Variants in SEMA6D observed in about 807,000 individuals in gnomAD.
SEMA6D encodes the protein semaphorin-6D.
A neutral mutation model predicts 106.6 loss-of-function variants in SEMA6D; 35 were observed. That is an observed-to-expected ratio of 0.33 (90% confidence interval 0.25 to 0.44). The LOEUF is 0.44. SEMA6D is among the 20% of genes least tolerant of loss of function. The pLI, the probability that SEMA6D is intolerant of heterozygous loss-of-function variation, is 1.00. For synonymous variants in SEMA6D, 499 were observed against 487.7 expected, an observed-to-expected ratio of 1.02 and a Z score of -0.31; for missense variants, 1,185 against 1,345.9, an observed-to-expected ratio of 0.88 and a Z score of 1.87.
intron 1 of SEMA6D, among the ~76,000 whole-genome samples, chr15:47,748,338 T>C (rs2081255737): frequency 6.6e-6 from 1 of 152,258 alleles, no homozygotes; most frequent in Admixed American, 6.5e-5. Flanking sequence ...CTTTCTTTAT[T>C]TCTTCCTCCA....
At chr15:47,261,480 G>A (rs2034072527) in intron 1 of SEMA6D, among the ~76,000 whole-genome samples, 1 of 151,992 alleles carries the variant, frequency 6.6e-6, no homozygotes, top group South Asian at 2.1e-4. Flanking sequence ...AATGCATTTG[G>A]TCTCAGCTCT....
chr15:47,227,433 C>CTTTCTTTCTTTCTTTCTTTCT (rs1555407194), intron 1 of SEMA6D, among the ~76,000 whole-genome samples: 1 of 144,712 alleles, frequency 6.9e-6, no homozygotes. Flanking sequence ...TTCTTTCTTT[C>CTTTCTTTCTTTCTTTCTTTCT]TTTCTTTTCT....
At chr15:47,526,670 G>T (rs531510219) in intron 3 of SEMA6D, among the ~76,000 whole-genome samples, 27 of 152,234 alleles carry the variant, frequency 1.8e-4, no homozygotes, top group African/African-American at 5.5e-4. Context: ...ATGTTTGCTT[G>T]CTTTGGTTTT....
rs149552424 is a variant in SEMA6D at position 47,295,099 on chromosome 15, C to T, written c.-239+110681C>T. Among the ~76,000 whole-genome samples, 691 of 152,240 alleles carry T rather than the reference C, an allele frequency of 4.5e-3. 17 individuals carry two copies. The highest frequency in any genetic ancestry group is 1.5e-3 in the Non-Finnish European group (99 of 68,022). ...GAGGGGGCATCAGGTTTGAAGTCCC[C>T]GTTGCTCACTTTTCACTAGCTGAAA... On this transcript the variant is annotated intron_variant, in intron 1 of 19. Transcript: ENST00000558014.
intron 1 of SEMA6D, among the ~76,000 whole-genome samples, chr15:47,741,709 C>T (rs937034328): frequency 2.0e-5 from 3 of 151,454 alleles, no homozygotes; most frequent in African/African-American, 7.3e-5. Context: ...AGCAAAACTC[C>T]ATCTAAAAAA....
In SEMA6D at chr15:47,761,237, A is replaced by G. The variant is rs1597048464; in HGVS notation, c.345+17A>G. The G allele has an allele frequency of 1.2e-6, 2 of 1,613,452 alleles. No homozygotes were observed. Among genetic ancestry groups the G allele is most frequent in the Middle Eastern group, 3.3e-4 (2 of 6,054 alleles). ...AAGCATAAAGTGAGTGAAACAGAAA[A>G]ATGTCTGCTAGATTTAGTCTTTCTG... On this transcript the variant is annotated intron_variant, in intron 5 of 18. Coordinates refer to ENST00000536845, the MANE Select transcript of SEMA6D (RefSeq NM_001358351.3).
chr15:47,501,072 A>G (rs1171713612), intron 3 of SEMA6D, among the ~76,000 whole-genome samples: 2 of 152,166 alleles, frequency 1.3e-5, no homozygotes, highest in Non-Finnish European at 2.9e-5. Flanking sequence ...AAAGAAGTGA[A>G]GGTAATTCTG....
chr15:47,583,705 G>A (rs1453129964), intron 3 of SEMA6D, among the ~76,000 whole-genome samples: 4 of 152,186 alleles, frequency 2.6e-5, no homozygotes, highest in African/African-American at 9.7e-5. Context: ...AGCAGACATG[G>A]ATAGGAATGG....
At chr15:47,605,792 C>T (rs898893122) in intron 4 of SEMA6D, among the ~76,000 whole-genome samples, 1 of 152,212 alleles carries the variant, frequency 6.6e-6, no homozygotes, top group Admixed American at 6.5e-5. Context: ...CTTCCATGCA[C>T]TCTCCATGTG....
intron 16 of SEMA6D, 124 bp from the exon 17 acceptor site, chr15:47,766,913 A>C: frequency 1.6e-6 from 1 of 624,152 alleles, no homozygotes. Flanking sequence ...TAGTCTAACC[A>C]GTAGGTTAAT....
chr15:47,583,604 G>C (rs977376699), intron 3 of SEMA6D, among the ~76,000 whole-genome samples: 2 of 152,162 alleles, frequency 1.3e-5, no homozygotes, highest in Admixed American at 6.5e-5. Context: ...GTCACTCCTA[G>C]GCATGGCTTG....
At chr15:47,560,855 A>G (rs1331775626) in intron 3 of SEMA6D, among the ~76,000 whole-genome samples, 1 of 152,098 alleles carries the variant, frequency 6.6e-6, no homozygotes, top group Non-Finnish European at 1.5e-5. Context: ...GATGATGCAG[A>G]GAAGGCAAAG....
At chr15:47,542,386 G>T (rs1328614524) in intron 3 of SEMA6D, among the ~76,000 whole-genome samples, 1 of 152,126 alleles carries the variant, frequency 6.6e-6, no homozygotes, top group Non-Finnish European at 1.5e-5. Flanking sequence ...TGCTATAGGT[G>T]CTACTCCTTT....
At chr15:47,497,777 C>CAG (rs2043717719) in intron 3 of SEMA6D, among the ~76,000 whole-genome samples, 1 of 152,048 alleles carries the variant, frequency 6.6e-6, no homozygotes, top group Non-Finnish European at 1.5e-5. Flanking sequence ...AACTGTAGTA[C>CAG]CATACTATCA....
At chr15:47,501,710 G>A (rs182306744) in intron 3 of SEMA6D, among the ~76,000 whole-genome samples, 41 of 152,274 alleles carry the variant, frequency 2.7e-4, no homozygotes, top group Admixed American at 7.2e-4. Context: ...CTGAATATGA[G>A]TTCTTTAATA....
intron 3 of SEMA6D, among the ~76,000 whole-genome samples, chr15:47,544,626 A>G (rs1797229): frequency 0.5 from 75,358 of 151,812 alleles, 19,600 homozygotes; most frequent in East Asian, 0.73. Flanking sequence ...AATGGAACTC[A>G]GGATAGATAA....
intron 3 of SEMA6D, among the ~76,000 whole-genome samples, chr15:47,516,444 T>A (rs1370609165): frequency 6.6e-6 from 1 of 152,220 alleles, no homozygotes; most frequent in Non-Finnish European, 1.5e-5. Flanking sequence ...ATTGATGATC[T>A]AGTTTTGAAT....
At chr15:47,728,098 A>G (rs1343966279) in intron 1 of SEMA6D, among the ~76,000 whole-genome samples, 1 of 152,200 alleles carries the variant, frequency 6.6e-6, no homozygotes, top group African/African-American at 2.4e-5. Flanking sequence ...TCTATAAGCC[A>G]CACAATGAAG....
chr15:47,589,310 G>A (rs1265823687), intron 3 of SEMA6D, among the ~76,000 whole-genome samples: 1 of 152,210 alleles, frequency 6.6e-6, no homozygotes, highest in African/African-American at 2.4e-5. Context: ...TCTAACAAAT[G>A]TAGGTAAGGG....
Sources: allele counts gnomAD v4.1 joint callset (sites outside exome capture counted in the v4.1 genomes callset), GRCh38; gene constraint gnomAD v4.1.1; transcripts MANE v1.5; gene names NCBI Gene and HGNC (gene_info 2026-07-23, HGNC 2026-07-21).